The following DEFB134 variants were observed in gnomAD, a reference collection of about 807,000 sequenced individuals.
DEFB134 encodes defensin beta 134, also known as beta-defensin 134.
DEFB134 carries 7 observed loss-of-function variants against 7.4 expected under a neutral mutation model. The observed-to-expected ratio is 0.95, with a 90% CI of 0.54 to 1.79. The LOEUF is 1.79. DEFB134 is among the 40% of genes most tolerant of loss of function. The probability of loss-of-function intolerance (pLI) is 0.00; values close to 1 mark genes in which losing one functional copy is unlikely to be tolerated. For missense variants in DEFB134, 105 were observed against 74.8 expected (o/e 1.40, Z -1.49); for synonymous variants, 33 against 25.0 (o/e 1.32, Z -0.96).
At position 11,994,124 on chromosome 8, in the gene DEFB134, T is replaced by C. The variant is rs748310352; in HGVS notation, c.59-2A>G. 3 of 1,608,748 alleles carry C rather than the reference T, an allele frequency of 1.9e-6. No homozygotes were observed. The South Asian group carries it at 3.3e-5, about 18-fold the overall frequency. On this transcript the variant is annotated splice_acceptor_variant, in intron 1 of 1. Transcript: ENST00000526438. LOFTEE classifies it high-confidence loss of function. ...TTTCTGATGATAATGAATTTATACC[T>C]GGAAGGAAAATGAATAGAAAGATAA...
upstream of DEFB134, among the ~76,000 whole-genome samples, chr8:11,999,736 G>T (rs569977302): frequency 6.6e-6 from 1 of 152,320 alleles, no homozygotes; most frequent in Non-Finnish European, 1.5e-5. Flanking sequence ...CTCAGCGTCT[G>T]GTTCACTGTA....
chr8:11,995,278 T>C (rs1273190358), intron 1 of DEFB134, among the ~76,000 whole-genome samples: 1 of 152,218 alleles, frequency 6.6e-6, no homozygotes, highest in Non-Finnish European at 1.5e-5. Context: ...CGTAATGGAA[T>C]TGGTTGCATC....
chr8:11,995,548 G>A (rs1438829924), intron 1 of DEFB134, among the ~76,000 whole-genome samples: 6 of 152,176 alleles, frequency 3.9e-5, no homozygotes, highest in African/African-American at 1.4e-4. Context: ...CTCCCTGGCT[G>A]CTATCTCATC....
intron 1 of DEFB134, among the ~76,000 whole-genome samples, chr8:11,994,729 T>A (rs1800071652): frequency 2.0e-5 from 3 of 152,208 alleles, no homozygotes; most frequent in Admixed American, 2.0e-4. Context: ...TACTTACTCA[T>A]TATTATTCAT....
At chr8:11,994,658 A>G (rs1800069610) in intron 1 of DEFB134, among the ~76,000 whole-genome samples, 1 of 152,266 alleles carries the variant, frequency 6.6e-6, no homozygotes, top group Non-Finnish European at 1.5e-5. Flanking sequence ...GTCAATGAAT[A>G]TAACCCAAAC....
upstream of DEFB134, among the ~76,000 whole-genome samples, chr8:11,999,980 T>C (rs59220921): frequency 1.7e-3 from 252 of 152,348 alleles, 2 homozygotes; most frequent in African/African-American, 5.7e-3. Context: ...GGTATTTCTT[T>C]AGGGTCATCA....
At chr8:12,000,452 G>C (rs919246848), upstream of DEFB134, among the ~76,000 whole-genome samples, 1 of 152,132 alleles carries the variant, frequency 6.6e-6, no homozygotes, top group Non-Finnish European at 1.5e-5. Context: ...ACAATATATA[G>C]TAGTTATTCC....
exon 2 of DEFB134, chr8:11,993,599 G>A (rs950518092): frequency 6.1e-6 from 1 of 162,804 alleles, no homozygotes; most frequent in Admixed American, 6.4e-5. Context: ...GAATTTCACA[G>A]AAATGGGAAA....
exon 2 of DEFB134, chr8:11,994,008 C>T: frequency 1.2e-6 from 2 of 1,613,850 alleles, no homozygotes; most frequent in Non-Finnish European, 1.7e-6. Flanking sequence ...TTTGACACAG[C>T]ACTCCAGCTG....
chr8:11,999,184 C>G (rs1800205748), upstream of DEFB134: 1 of 190,834 alleles, frequency 5.2e-6, no homozygotes, highest in Non-Finnish European at 1.2e-5. Flanking sequence ...TGTCCAATTT[C>G]TTAGCAACCA....
At chr8:11,994,106 T>G in exon 2 of DEFB134, 1 of 1,612,322 alleles carries the variant, frequency 6.2e-7, no homozygotes, top group Non-Finnish European at 8.5e-7. Flanking sequence ...GCATTTCTGA[T>G]GATAATGAAT....
chr8:11,994,630 G>A (rs1800068971), intron 1 of DEFB134, among the ~76,000 whole-genome samples: 1 of 152,164 alleles, frequency 6.6e-6, no homozygotes, highest in South Asian at 2.1e-4. Flanking sequence ...GTAATAATTT[G>A]GAAGTTTCCC....
upstream of DEFB134, among the ~76,000 whole-genome samples, chr8:11,998,694 G>T (rs1435854672): frequency 6.6e-6 from 1 of 152,000 alleles, no homozygotes; most frequent in Non-Finnish European, 1.5e-5. Context: ...ACCAAAATCA[G>T]AGCTGAACTG....
At chr8:11,996,087 A>T (rs11250186) in intron 1 of DEFB134, 107 bp downstream of exon 2, 3 of 1,341,870 alleles carry the variant, frequency 2.2e-6, no homozygotes, top group Admixed American at 2.1e-5. Flanking sequence ...GCTTTTTTCT[A>T]GCTTGAAAAT....
chr8:11,996,361 G>T, upstream of DEFB134: 1 of 1,235,744 alleles, frequency 8.1e-7, no homozygotes, highest in Non-Finnish European at 1.2e-6. Flanking sequence ...CAGGGCTGGG[G>T]TATGCCTCGC....
upstream of DEFB134, among the ~76,000 whole-genome samples, chr8:11,998,650 C>T (rs981990918): frequency 2.0e-5 from 3 of 151,722 alleles, no homozygotes; most frequent in Non-Finnish European, 1.5e-5. Context: ...AAAACAAGAG[C>T]AAATCAACCC....
rs1194357736 is a variant in DEFB134, at chr8:11,996,293, C to A, written c.-42G>T. 1 of 1,608,004 alleles carries A rather than the reference C, an allele frequency of 6.2e-7. No homozygotes were observed. The highest frequency in any genetic ancestry group is 8.5e-7 in the Non-Finnish European group (1 of 1,174,758). ...TAAGGAGGCTAGTGGCAGGGTCTGA[C>A]ATCGGCTGTCAGGGAACAGAGAGAA... On this transcript the variant is annotated 5_prime_UTR_variant, in exon 1 of 2. The change abolishes an upstream ATG in the 5' untranslated region. Transcript: ENST00000526438.
At chr8:12,000,132 T>G (rs941978265), upstream of DEFB134, among the ~76,000 whole-genome samples, 20 of 152,250 alleles carry the variant, frequency 1.3e-4, no homozygotes, top group African/African-American at 4.8e-4. Context: ...TAAACAGAAA[T>G]GTATTCTAGC....
upstream of DEFB134, among the ~76,000 whole-genome samples, chr8:11,997,785 C>A (rs142426998): frequency 1.4e-3 from 210 of 152,276 alleles, no homozygotes; most frequent in African/African-American, 4.7e-3. Context: ...GACATTGACA[C>A]CCCACTGACA....
Sources: gnomAD v4.1 joint callset for allele counts (sites outside exome capture counted in the v4.1 genomes callset) on GRCh38, gnomAD v4.1.1 for gene constraint, MANE v1.5 for transcripts, NCBI Gene and HGNC (gene_info 2026-07-23, HGNC 2026-07-21) for gene names.